The following ACP6 variants were observed in gnomAD, a reference collection of about 807,000 sequenced individuals.
ACP6 encodes the protein acid phosphatase 6, lysophosphatidic, also known as lysophosphatidic acid phosphatase type 6.
ACP6 carries 48 observed loss-of-function variants against 48.1 expected under a neutral mutation model. That is an observed-to-expected ratio of 1.00 (90% confidence interval 0.79 to 1.27). The LOEUF is 1.27. Ranked by LOEUF, ACP6 falls within the 50% of genes most tolerant of loss-of-function variation. The pLI, the probability that ACP6 is intolerant of heterozygous loss-of-function variation, is 0.00. For synonymous variants in ACP6, 172 were observed against 204.2 expected, an observed-to-expected ratio of 0.84 and a Z score of 1.34; for missense variants, 485 against 529.1, an observed-to-expected ratio of 0.92 and a Z score of 0.82.
In ACP6 at chr1:147,669,574, C is replaced by T. The variant is rs79495255; in HGVS notation, c.219+256G>A. 8.8e-3 allele frequency among the ~76,000 whole-genome samples: 1,343 copies of T among 152,364 alleles called. 14 individuals are homozygous for T. Among genetic ancestry groups the T allele is most frequent in the Non-Finnish European group, 0.015 (1,004 of 68,038 alleles). ...ACGTAGCAGGATCCCCAGGCGACTC[C>T]CATGCGTCTTAAGCAGCGCTTACTG... On this transcript the variant is annotated intron_variant, in intron 1 of 9. Coordinates refer to ENST00000583509, the MANE Select transcript of ACP6 (RefSeq NM_016361.5).
Position 147,658,948 on chromosome 1 carries a change from C to T in ACP6, c.559+12G>A. The T allele has an allele frequency of 1.9e-6, 3 of 1,608,374 alleles. No homozygotes were observed. The highest frequency in any genetic ancestry group is 2.5e-6 in the Non-Finnish European group (3 of 1,176,716). ...TCAGGGACAGGGACTGACTGGGACC[C>T]CAAATACGAACCTTCTTTCTGACAC... On this transcript the variant is annotated intron_variant, in intron 4 of 9. Coordinates refer to ENST00000583509, the MANE Select transcript of ACP6 (RefSeq NM_016361.5).
intron 6 of ACP6, 37 bp downstream of exon 6, chr1:147,654,157 A>G: frequency 6.2e-7 from 1 of 1,605,668 alleles, no homozygotes; most frequent in Admixed American, 1.7e-5. Context: ...CAGCCCACCA[A>G]GGCTATTATC....
chr1:147,667,947 G>C (rs1270426303), intron 1 of ACP6, among the ~76,000 whole-genome samples: 1 of 151,372 alleles, frequency 6.6e-6, no homozygotes, highest in Middle Eastern at 3.4e-3. Context: ...CCGAGATCGC[G>C]TCACTGCACT....
downstream of ACP6, among the ~76,000 whole-genome samples, chr1:147,638,774 A>G (rs1329053123): frequency 6.6e-6 from 1 of 152,218 alleles, no homozygotes; most frequent in Non-Finnish European, 1.5e-5. Flanking sequence ...ATACATGATC[A>G]AAGGACATTC....
chr1:147,655,432 T>C (rs1321027851), intron 4 of ACP6, among the ~76,000 whole-genome samples, 184 bp from the exon 5 acceptor site: 1 of 152,144 alleles, frequency 6.6e-6, no homozygotes, highest in Non-Finnish European at 1.5e-5. Flanking sequence ...AAGGAGGCTC[T>C]CCTATAATCT....
rs1659114716 is a variant in ACP6 at position 147,629,868 on chromosome 1, G to A, written c.*1185C>T. The A allele has an allele frequency of 3.3e-5, 5 of 152,136 alleles. No individual in the cohort carries two copies. In the South Asian group the frequency reaches 1.0e-3, roughly 32 times the overall value. The allele number at this position is 152,136 out of a possible 1,614,324, so 9.4% of individuals were successfully genotyped here. A position where few individuals can be genotyped will look rare whatever the true frequency, so the allele number is the denominator to read the frequency against. On this transcript the variant is annotated 3_prime_UTR_variant, in exon 6 of 6. Coordinates refer to the ACP6 transcript ENST00000609196. ...TTAAACAGACACGAATCTATTTTCT[G>A]CCTATAGGTGACCCCACTTCAGCTG...
At chr1:147,660,155 A>G (rs1349445407) in intron 1 of ACP6, among the ~76,000 whole-genome samples, 2 of 152,212 alleles carry the variant, frequency 1.3e-5, no homozygotes, top group East Asian at 3.8e-4. Flanking sequence ...ATTTATAAGG[A>G]ATTAATCTGG....
chr1:147,667,362 C>T (rs587701451), intron 1 of ACP6, among the ~76,000 whole-genome samples: 5 of 152,082 alleles, frequency 3.3e-5, no homozygotes, highest in Non-Finnish European at 5.9e-5. Context: ...GGATTACAGG[C>T]GCCCACCACC....
chr1:147,650,298 A>G, intron 7 of ACP6, 60 bp from the exon 8 acceptor site: 1 of 1,268,446 alleles, frequency 7.9e-7, no homozygotes, highest in Non-Finnish European at 1.1e-6. Context: ...GGGGACACAG[A>G]CTGATTCTGC....
In ACP6 at chr1:147,649,530, C is replaced by T. The variant is rs782452560; in HGVS notation, c.977+613G>A. 3.3e-5 allele frequency among the ~76,000 whole-genome samples: 5 copies of T among 152,068 alleles called. No homozygotes were observed. The South Asian group carries it at 6.2e-4, about 19-fold the overall frequency. ...TGTGATCTTGGCTAACTGCAACCTC[C>T]GCCTCCTGGGTTCAAGCAACTCTCC... On this transcript the variant is annotated intron_variant, in intron 8 of 9. Coordinates refer to ENST00000583509, the MANE Select transcript of ACP6 (RefSeq NM_016361.5).
At chr1:147,654,047 C>G in intron 6 of ACP6, 147 bp downstream of exon 6, 1 of 1,356,424 alleles carries the variant, frequency 7.4e-7, no homozygotes, top group Non-Finnish European at 9.8e-7. Context: ...CTCCCTATCC[C>G]TCAGTCCCCA....
rs1659591922 is a variant in ACP6, at chr1:147,645,553, T to C, written c.*1870A>G. Reference sequence around the variant, plus strand: ...ATTGGAGGAAAACCAAGAAAGCATTTGTCGAAGCCAGTGAAGGAAATAGTC... The same window carrying C: ...ATTGGAGGAAAACCAAGAAAGCATTCGTCGAAGCCAGTGAAGGAAATAGTC... On this transcript the variant is annotated 3_prime_UTR_variant, in exon 10 of 10. Coordinates refer to ENST00000583509, the MANE Select transcript of ACP6 (RefSeq NM_016361.5). 1 of 152,226 alleles carries C rather than the reference T, an allele frequency of 6.6e-6. No individual in the cohort carries two copies. The highest frequency in any genetic ancestry group is 2.4e-5 in the African/African-American group (1 of 41,438). 9.4% of individuals were successfully genotyped at this position (152,226 alleles called of 1,614,324 possible).
In ACP6 at chr1:147,647,344, T is replaced by G. The variant is rs1261209421; in HGVS notation, c.*79A>C. 2 of 1,529,910 alleles carry G rather than the reference T, an allele frequency of 1.3e-6. No individual in the cohort carries two copies. The highest frequency in any genetic ancestry group is 1.8e-6 in the Non-Finnish European group (2 of 1,120,786). 94.8% of individuals were successfully genotyped at this position (1,529,910 alleles called of 1,614,324 possible). A position where few individuals can be genotyped will look rare whatever the true frequency, so the allele number is the denominator to read the frequency against. On this transcript the variant is annotated 3_prime_UTR_variant, in exon 10 of 10. Transcript: ENST00000583509. Reference sequence around the variant, plus strand: ...GTACATTACCCCTTGCTCTCTCCTCTTCCCAAACACACAAAGCAGGAGGCA... The same window carrying G: ...GTACATTACCCCTTGCTCTCTCCTCGTCCCAAACACACAAAGCAGGAGGCA...
intron 5 of ACP6, among the ~76,000 whole-genome samples, chr1:147,634,979 A>G (rs1659259537): frequency 6.6e-6 from 1 of 152,216 alleles, no homozygotes; most frequent in Admixed American, 6.5e-5. Flanking sequence ...GAAATAGTTC[A>G]GCCAAGTACT....
rs587751649 is a variant in ACP6, at chr1:147,656,922, AT to A, written c.560-1675del. On this transcript the variant is annotated intron_variant, in intron 4 of 9. Coordinates refer to ENST00000583509, the MANE Select transcript of ACP6 (RefSeq NM_016361.5). ...GGGTAATACACAGCATTTACATTGTATTGGGTATTATGTCATCTACAGATGA... is the reference window on the plus strand; with the variant it reads ...GGGTAATACACAGCATTTACATTGTATGGGTATTATGTCATCTACAGATGA... 9.7e-4 allele frequency among the ~76,000 whole-genome samples: 148 copies of A among 152,338 alleles called. 1 individual carries two copies. Among genetic ancestry groups the A allele is most frequent in the African/African-American group, 3.4e-3 (143 of 41,574 alleles).
At chr1:147,659,321 C>A in intron 3 of ACP6, 75 bp downstream of exon 3, 1 of 1,564,092 alleles carries the variant, frequency 6.4e-7, no homozygotes, top group South Asian at 1.2e-5. Context: ...TGGGAACCAT[C>A]TTGGGGAGTC....
chr1:147,644,683 G>A lies in ACP6; in HGVS notation c.*2740C>T, dbSNP rs1659559650. ...GGAGTTACTGATGTAGTAGAGGTAG[G>A]ATATGAGAAAAAGAGGGGAGTCAAG... On this transcript the variant is annotated 3_prime_UTR_variant, in exon 10 of 10. Coordinates refer to ENST00000583509, the MANE Select transcript of ACP6 (RefSeq NM_016361.5). 1 of 152,200 alleles carries A rather than the reference G, an allele frequency of 6.6e-6. No individual in the cohort carries two copies. Among genetic ancestry groups the A allele is most frequent in the Admixed American group, 6.5e-5 (1 of 15,278 alleles). 9.4% of individuals were successfully genotyped at this position (152,200 alleles called of 1,614,324 possible).
At chr1:147,642,059 A>C (rs1379992352), downstream of ACP6, among the ~76,000 whole-genome samples, 1 of 152,202 alleles carries the variant, frequency 6.6e-6, no homozygotes, top group East Asian at 1.9e-4. Flanking sequence ...CCATTTTTAC[A>C]TGAGAGGAAA....
intron 1 of ACP6, among the ~76,000 whole-genome samples, chr1:147,668,920 C>T (rs1553214091): frequency 1.3e-5 from 2 of 152,110 alleles, no homozygotes; most frequent in Non-Finnish European, 2.9e-5. Flanking sequence ...GAAGAGTATA[C>T]CTAACATCAA....
Sources: allele counts gnomAD v4.1 joint callset (sites outside exome capture counted in the v4.1 genomes callset), GRCh38; gene constraint gnomAD v4.1.1; transcripts MANE v1.5; gene names NCBI Gene and HGNC (gene_info 2026-07-23, HGNC 2026-07-21).